Variants in RMST observed in about 807,000 individuals in gnomAD.
The protein encoded by RMST is rhabdomyosarcoma 2 associated transcript.
At position 97,488,013 on chromosome 12, in the gene RMST, T is replaced by C. The variant is rs551090095; in HGVS notation, n.645-4448T>C. On this transcript the variant is annotated intron_variant and non_coding_transcript_variant, in intron 5 of 13. Transcript: ENST00000640149. ...AACTGCTGCTCACTCTGTGAGACTT[T>C]CGGCAGAAGGCTGTCTCTGGGACAT... Among the ~76,000 whole-genome samples, 4 of 152,334 alleles carry C rather than the reference T, an allele frequency of 2.6e-5. No individual in the cohort carries two copies. In the East Asian group the frequency reaches 5.8e-4, roughly 22 times the overall value.
intron 11 of RMST, among the ~76,000 whole-genome samples, chr12:97,538,480 A>G (rs1239577456): frequency 6.6e-6 from 1 of 151,304 alleles, no homozygotes; most frequent in Non-Finnish European, 1.5e-5. Flanking sequence ...TTAGAGTACA[A>G]ATCCTGCACA....
At chr12:97,469,889 G>C (rs963723236) in intron 5 of RMST, among the ~76,000 whole-genome samples, 2 of 152,016 alleles carry the variant, frequency 1.3e-5, no homozygotes, top group African/African-American at 4.8e-5. Context: ...GAGCCAATAG[G>C]ATACAATTTT....
intron 11 of RMST, among the ~76,000 whole-genome samples, chr12:97,535,772 G>A (rs987159845): frequency 6.6e-6 from 1 of 151,600 alleles, no homozygotes; most frequent in African/African-American, 2.4e-5. Flanking sequence ...CTACGATGAG[G>A]TAATTAATTC....
chr12:97,518,832 T>C (rs556940752), intron 10 of RMST, among the ~76,000 whole-genome samples: 72 of 152,194 alleles, frequency 4.7e-4, no homozygotes, highest in African/African-American at 1.6e-3. Context: ...AGTGCAGTGG[T>C]GCAATCATGG....
intron 10 of RMST, among the ~76,000 whole-genome samples, chr12:97,511,095 G>C (rs1220997719): frequency 6.6e-6 from 1 of 151,642 alleles, no homozygotes; most frequent in African/African-American, 2.4e-5. Context: ...AATTACTTCA[G>C]GGAAAATGTT....
chr12:97,528,345 G>C (rs1351249649), intron 10 of RMST, among the ~76,000 whole-genome samples: 1 of 152,026 alleles, frequency 6.6e-6, no homozygotes, highest in African/African-American at 2.4e-5. Flanking sequence ...GACTGCCTAT[G>C]ATTAATTGCC....
intron 5 of RMST, among the ~76,000 whole-genome samples, chr12:97,472,691 C>T (rs1302835059): frequency 6.6e-6 from 1 of 152,086 alleles, no homozygotes. Context: ...ATTTCTGGTT[C>T]TTTCCCACAA....
chr12:97,508,720 A>T (rs911889585), intron 10 of RMST, among the ~76,000 whole-genome samples: 2 of 152,164 alleles, frequency 1.3e-5, no homozygotes, highest in African/African-American at 4.8e-5. Flanking sequence ...GAGTAGCTTC[A>T]GAGCAGTAGA....
At chr12:97,553,406 T>G (rs2136655053) in intron 11 of RMST, among the ~76,000 whole-genome samples, 1 of 152,206 alleles carries the variant, frequency 6.6e-6, no homozygotes, top group South Asian at 2.1e-4. Context: ...CCTCCAGAAT[T>G]TGTGTGGTGC....
chr12:97,500,423 A>C (rs1384599950), intron 10 of RMST, among the ~76,000 whole-genome samples: 1 of 152,346 alleles, frequency 6.6e-6, no homozygotes, highest in South Asian at 2.1e-4. Flanking sequence ...GGATGATATA[A>C]GTTAATATTT....
chr12:97,537,882 A>T (rs1592763861), intron 11 of RMST, among the ~76,000 whole-genome samples: 1 of 151,484 alleles, frequency 6.6e-6, no homozygotes, highest in Admixed American at 6.6e-5. Context: ...ATTTTACTCA[A>T]CTGGAGATAT....
chr12:97,555,864 G>A (rs576531156), intron 11 of RMST, among the ~76,000 whole-genome samples: 1 of 152,174 alleles, frequency 6.6e-6, no homozygotes, highest in Non-Finnish European at 1.5e-5. Flanking sequence ...AGATAATAAG[G>A]TTCAATCAAT....
intron 10 of RMST, among the ~76,000 whole-genome samples, chr12:97,514,443 A>T (rs1398814389): frequency 2.0e-5 from 3 of 152,130 alleles, no homozygotes; most frequent in Admixed American, 6.5e-5. Flanking sequence ...GTGATTGGAG[A>T]TTTGCCTGTT....
intron 10 of RMST, among the ~76,000 whole-genome samples, chr12:97,505,185 T>G (rs1472145583): frequency 6.6e-6 from 1 of 152,228 alleles, no homozygotes; most frequent in Non-Finnish European, 1.5e-5. Context: ...ATGGTTTTTC[T>G]TAAGGCACTT....
At chr12:97,486,902 A>G (rs1056356881) in intron 5 of RMST, among the ~76,000 whole-genome samples, 1 of 152,228 alleles carries the variant, frequency 6.6e-6, no homozygotes, top group Non-Finnish European at 1.5e-5. Context: ...GTCATGCTAT[A>G]CGACTTGTAA....
At chr12:97,528,225 T>C (rs1881302261) in intron 10 of RMST, among the ~76,000 whole-genome samples, 1 of 152,168 alleles carries the variant, frequency 6.6e-6, no homozygotes, top group Non-Finnish European at 1.5e-5. Flanking sequence ...ATCCAGTCTT[T>C]CTTCAAATAT....
intron 10 of RMST, among the ~76,000 whole-genome samples, chr12:97,504,153 C>T (rs375580110): frequency 6.6e-6 from 1 of 152,110 alleles, no homozygotes; most frequent in African/African-American, 2.4e-5. Flanking sequence ...CCTGTAACCC[C>T]GGCACTCTGG....
chr12:97,473,416 C>G (rs1443235592), intron 5 of RMST, among the ~76,000 whole-genome samples: 1 of 151,894 alleles, frequency 6.6e-6, no homozygotes, highest in Non-Finnish European at 1.5e-5. Flanking sequence ...TTATTGGTGC[C>G]CTTATTCAAC....
chr12:97,486,074 T>C (rs962060414), intron 5 of RMST, among the ~76,000 whole-genome samples: 2 of 152,156 alleles, frequency 1.3e-5, no homozygotes, highest in Non-Finnish European at 2.9e-5. Flanking sequence ...AGCAAGACCA[T>C]GATAGAGTAG....
Sources: gnomAD v4.1 joint callset for allele counts (sites outside exome capture counted in the v4.1 genomes callset) on GRCh38, gnomAD v4.1.1 for gene constraint, MANE v1.5 for transcripts, NCBI Gene and HGNC (gene_info 2026-07-23, HGNC 2026-07-21) for gene names.